The following GML variants were observed in gnomAD, a reference collection of about 807,000 sequenced individuals.
GML encodes the protein glycosylphosphatidylinositol anchored molecule like, also known as glycosyl-phosphatidylinositol-anchored molecule-like protein.
A neutral mutation model predicts 8.2 loss-of-function variants in GML; 5 were observed. That is an observed-to-expected ratio of 0.61 (90% CI 0.32 to 1.28). The LOEUF is 1.28. Ranked by LOEUF, GML falls within the 50% of genes most tolerant of loss-of-function variation. The probability of loss-of-function intolerance (pLI) is 0.06; values close to 1 mark genes in which losing one functional copy is unlikely to be tolerated. For missense variants in GML, 191 were observed against 198.3 expected, an observed-to-expected ratio of 0.96 and a Z score of 0.22; for synonymous variants, 72 against 69.0, an observed-to-expected ratio of 1.04 and a Z score of -0.22.
At chr8:142,841,362 C>T (rs878870217) in intron 3 of GML, 137 bp downstream of exon 3, 10 of 638,272 alleles carry the variant, frequency 1.6e-5, no homozygotes, top group South Asian at 7.2e-5. Context: ...ATCCTGAGTG[C>T]GTTTCTGCAC....
chr8:142,843,791 AC>A (rs145285933), intron 3 of GML, among the ~76,000 whole-genome samples: 5,970 of 152,290 alleles, frequency 0.039, 395 homozygotes, highest in African/African-American at 0.14. Context: ...AGATTTCAAC[AC>A]TCAAACTGCA....
Position 142,846,220 on chromosome 8 carries a change from G to A in GML, c.182-175G>A, listed in dbSNP as rs555773175. On this transcript the variant is annotated intron_variant, in intron 3 of 3. Coordinates refer to ENST00000220940, the MANE Select transcript of GML (RefSeq NM_002066.3). Reference sequence around the variant, plus strand: ...AGTTGTTCTGGGAGTGATGAGACCCGCTAGTGGACTTGGATGTTCTCTCTT... The same window carrying A: ...AGTTGTTCTGGGAGTGATGAGACCCACTAGTGGACTTGGATGTTCTCTCTT... Among the ~76,000 whole-genome samples, 7 of 152,268 alleles carry A rather than the reference G, an allele frequency of 4.6e-5. No individual in the cohort carries two copies. The East Asian group carries it at 7.7e-4, about 17-fold the overall frequency.
intron 3 of GML, 62 bp from the exon 4 acceptor site, chr8:142,846,333 C>A: frequency 1.9e-6 from 2 of 1,056,874 alleles, no homozygotes; most frequent in Non-Finnish European, 1.4e-6. Flanking sequence ...GGTGTATGTG[C>A]CTCAATATTT....
At chr8:142,839,726 A>ACCC (rs1816398058) in intron 1 of GML, among the ~76,000 whole-genome samples, 1 of 152,088 alleles carries the variant, frequency 6.6e-6, no homozygotes, top group Non-Finnish European at 1.5e-5. Flanking sequence ...CCTGCGAGAA[A>ACCC]ATGTCTCAGT....
chr8:142,839,899 C>T (rs978452403), intron 1 of GML, among the ~76,000 whole-genome samples: 5 of 152,154 alleles, frequency 3.3e-5, no homozygotes, highest in Admixed American at 6.5e-5. Flanking sequence ...GGAGTTCTCT[C>T]GTAATGACAC....
chr8:142,845,804 G>A (rs185352268), intron 3 of GML, among the ~76,000 whole-genome samples: 183 of 152,282 alleles, frequency 1.2e-3, no homozygotes, highest in African/African-American at 4.2e-3. Context: ...CGGATAACAC[G>A]TACCTAGTTG....
At chr8:142,836,761 G>A (rs1171252530) in intron 1 of GML, among the ~76,000 whole-genome samples, 1 of 152,162 alleles carries the variant, frequency 6.6e-6, no homozygotes, top group East Asian at 1.9e-4. Context: ...GGCCAAGTGG[G>A]ATGCTTGCAG....
intron 3 of GML, among the ~76,000 whole-genome samples, chr8:142,845,835 A>G (rs946394484): frequency 1.3e-5 from 2 of 152,180 alleles, no homozygotes; most frequent in African/African-American, 4.8e-5. Context: ...TCAAGTCTGT[A>G]CTGGGGAGGA....
rs1250096921 is a variant in GML, at chr8:142,846,482, C to T, written c.269C>T (p.Pro90Leu). ...VYAAEQPPEAPGKIFKTNSFY... is the reference protein window; with the variant it reads ...VYAAEQPPEALGKIFKTNSFY... ...GCAGCTGAACAGCCTCCTGAAGCCC[C>T]AGGAAAAATCTTCAAAACTAATAGC... is the stretch of plus-strand genomic sequence containing the variant. Residue 90 changes from proline (P) to leucine (L), a missense_variant, in exon 4 of 4, where the codon CCA (proline) becomes CTA (leucine). Transcript: ENST00000220940. 1.9e-6 allele frequency: 3 copies of T among 1,613,650 alleles called. No homozygotes were observed. The highest frequency in any genetic ancestry group is 1.7e-4 in the Middle Eastern group (1 of 6,054).
At chr8:142,840,009 A>G (rs1347275460) in intron 1 of GML, among the ~76,000 whole-genome samples, 1 of 146,974 alleles carries the variant, frequency 6.8e-6, no homozygotes, top group South Asian at 2.1e-4. Context: ...TGGGAGCGGG[A>G]AGCGCGTCAG....
intron 1 of GML, among the ~76,000 whole-genome samples, chr8:142,837,551 T>C (rs1251215255): frequency 2.0e-5 from 3 of 151,200 alleles, no homozygotes; most frequent in Admixed American, 6.6e-5. Flanking sequence ...CTTGGAGCAA[T>C]GTTTTCTATC....
intron 3 of GML, among the ~76,000 whole-genome samples, chr8:142,845,031 C>T (rs1816485704): frequency 6.6e-6 from 1 of 152,140 alleles, no homozygotes; most frequent in African/African-American, 2.4e-5. Flanking sequence ...CAGAAACAAC[C>T]TCAATGTCCA....
At chr8:142,840,776 C>T (rs1816419663) in intron 2 of GML, among the ~76,000 whole-genome samples, 1 of 152,226 alleles carries the variant, frequency 6.6e-6, no homozygotes, top group Non-Finnish European at 1.5e-5. Flanking sequence ...GGGGCTCTGT[C>T]CAGGGAAACC....
At position 142,844,097 on chromosome 8, in the gene GML, C is replaced by T. The variant is rs557005789; in HGVS notation, c.182-2298C>T. 8.8e-5 allele frequency among the ~76,000 whole-genome samples: 9 copies of T among 102,540 alleles called. 1 individual carries two copies. In the Middle Eastern group the frequency reaches 0.017, roughly 199 times the overall value. The allele number at this position is 102,540 out of a possible 152,430, so 67.3% of individuals were successfully genotyped here. The stretch of plus-strand genomic sequence containing the variant: ...TATCAAACCGTTTCCTTAATCAAAA[C>T]GGTTTGGTGTTGGATCCTGTGGTCA... On this transcript the variant is annotated intron_variant, in intron 3 of 3. Transcript: ENST00000220940.
intron 3 of GML, among the ~76,000 whole-genome samples, chr8:142,844,686 A>C (rs1816482158): frequency 6.6e-6 from 1 of 152,252 alleles, no homozygotes; most frequent in African/African-American, 2.4e-5. Flanking sequence ...TGTAACATAC[A>C]TAAGAAAAGT....
intron 1 of GML, among the ~76,000 whole-genome samples, chr8:142,835,488 G>A (rs1816327489): frequency 6.6e-6 from 1 of 152,214 alleles, no homozygotes; most frequent in African/African-American, 2.4e-5. Context: ...AGGAGAGAAG[G>A]AGGCCTTCGT....
intron 3 of GML, among the ~76,000 whole-genome samples, chr8:142,841,542 G>T (rs1190223571): frequency 6.6e-6 from 1 of 152,192 alleles, no homozygotes; most frequent in Admixed American, 6.5e-5. Context: ...ACCCCATGCT[G>T]CCTGGGTGAG....
At chr8:142,840,843 T>G (rs1014793967) in intron 2 of GML, among the ~76,000 whole-genome samples, 9 of 152,234 alleles carry the variant, frequency 5.9e-5, no homozygotes, top group African/African-American at 1.9e-4. Flanking sequence ...GTGAGCCAGG[T>G]CTGCAGAGCA....
Position 142,841,201 on chromosome 8 carries a change from A to T in GML, c.157A>T (p.Arg53Trp). ...PNIRVCPYHI[R>W]RCMTISIRIN... The stretch of plus-strand genomic sequence containing the variant: ...CATTAGAGTATGTCCGTATCATATT[A>T]GGCGCTGTATGACAATCTCCATTCG... The change falls in exon 3 of 4, where the codon AGG becomes TGG. Residue 53 changes from arginine to tryptophan, a missense_variant. Coordinates refer to ENST00000220940, the MANE Select transcript of GML (RefSeq NM_002066.3). The T allele has an allele frequency of 6.5e-7, 1 of 1,533,812 alleles. No homozygotes were observed. The highest frequency in any genetic ancestry group is 9.0e-7 in the Non-Finnish European group (1 of 1,107,222).
Sources: allele counts gnomAD v4.1 joint callset (sites outside exome capture counted in the v4.1 genomes callset), GRCh38; gene constraint gnomAD v4.1.1; transcripts MANE v1.5; gene names NCBI Gene and HGNC (gene_info 2026-07-23, HGNC 2026-07-21).